CTNNA2: variants seen among roughly 807,000 people sequenced by gnomAD.
CTNNA2 encodes catenin alpha-2.
A neutral mutation model predicts 101.0 loss-of-function variants in CTNNA2; 42 were observed. That is an observed-to-expected ratio of 0.42 (90% CI 0.32 to 0.54). The LOEUF (loss-of-function observed/expected upper bound fraction) is 0.54. Ranked by LOEUF, CTNNA2 falls within the 20% of genes least tolerant of loss-of-function variation. The pLI, the probability that CTNNA2 is intolerant of heterozygous loss-of-function variation, is 0.14. For synonymous variants in CTNNA2, 450 were observed against 456.4 expected (o/e 0.99, Z 0.18); for missense variants, 871 against 1,223.1 (o/e 0.71, Z 4.29).
intron 9 of CTNNA2, among the ~76,000 whole-genome samples, chr2:80,490,113 A>T (rs776637656): frequency 2.0e-5 from 3 of 152,188 alleles, no homozygotes; most frequent in Non-Finnish European, 4.4e-5. Context: ...CAGACTCTTG[A>T]ACAGTAACCA....
intron 1 of CTNNA2, among the ~76,000 whole-genome samples, chr2:79,640,310 A>G (rs1680366524): frequency 1.3e-5 from 2 of 152,012 alleles, no homozygotes; most frequent in Non-Finnish European, 2.9e-5. Context: ...GAGAAGGAAG[A>G]CTTCCTAGGA....
chr2:79,874,993 A>G (rs1682899243), intron 6 of CTNNA2, among the ~76,000 whole-genome samples: 1 of 152,148 alleles, frequency 6.6e-6, no homozygotes, highest in Non-Finnish European at 1.5e-5. Flanking sequence ...AAAAGCTGCC[A>G]TCAATTTCTT....
At chr2:80,579,904 G>A (rs1490156226) in intron 13 of CTNNA2, among the ~76,000 whole-genome samples, 3 of 152,156 alleles carry the variant, frequency 2.0e-5, no homozygotes, top group Admixed American at 1.3e-4. Flanking sequence ...CTACATCATC[G>A]GTATTCCTTG....
chr2:79,676,039 A>G (rs1683163601), intron 2 of CTNNA2, among the ~76,000 whole-genome samples: 1 of 152,062 alleles, frequency 6.6e-6, no homozygotes, highest in South Asian at 2.1e-4. Flanking sequence ...ATCCTGAGAG[A>G]TGCCTGTTGA....
rs1288709071 is a variant in CTNNA2 at position 79,386,571 on chromosome 2, T to G, written c.-135+12558T>G. ...CTCTTAATTTGAAATAAAGAGTCCTTCATCTGTGTTTTCATAATACACTCT... is the reference window on the plus strand; with the variant it reads ...CTCTTAATTTGAAATAAAGAGTCCTGCATCTGTGTTTTCATAATACACTCT... On this transcript the variant is annotated intron_variant, in intron 4 of 21. Coordinates refer to the CTNNA2 transcript ENST00000466387. 2.0e-5 allele frequency among the ~76,000 whole-genome samples: 3 copies of G among 152,218 alleles called. No homozygotes were observed. The East Asian group carries it at 5.8e-4, about 29-fold the overall frequency.
chr2:80,321,903 A>G (rs1449414819), intron 7 of CTNNA2, among the ~76,000 whole-genome samples: 1 of 152,258 alleles, frequency 6.6e-6, no homozygotes. Context: ...AGGAAAAGCT[A>G]TAGCCCTTCT....
intron 2 of CTNNA2, among the ~76,000 whole-genome samples, chr2:79,288,852 A>G (rs80114760): frequency 0.049 from 7,534 of 152,308 alleles, 298 homozygotes; most frequent in Non-Finnish European, 0.064. Context: ...CTTTCAAACA[A>G]TGTGTGATCT....
At chr2:79,988,438 G>T (rs1691919680) in intron 7 of CTNNA2, among the ~76,000 whole-genome samples, 1 of 149,940 alleles carries the variant, frequency 6.7e-6, no homozygotes, top group Admixed American at 6.7e-5. Flanking sequence ...TGTTCTTTGT[G>T]TTGCTCTTCT....
chr2:79,999,313 G>A lies in CTNNA2; in HGVS notation c.1056+89516G>A, dbSNP rs78880752. Among the ~76,000 whole-genome samples, 778 of 152,284 alleles carry A rather than the reference G, an allele frequency of 5.1e-3. 7 individuals are homozygous for A. Among genetic ancestry groups the A allele is most frequent in the African/African-American group, 0.017 (727 of 41,574 alleles). On this transcript the variant is annotated intron_variant, in intron 7 of 18. Transcript: ENST00000402739. The stretch of plus-strand genomic sequence containing the variant: ...ACTGCCCATCTGACATCTGCAAGCC[G>A]CCTTCTTCATTCCATCTAGCCACCA...
intron 18 of CTNNA2, among the ~76,000 whole-genome samples, chr2:80,628,245 C>T (rs1671894421): frequency 6.6e-6 from 1 of 151,344 alleles, no homozygotes; most frequent in African/African-American, 2.4e-5. Context: ...ACTTTCTTCA[C>T]AGAATTGGAA....
At chr2:80,276,127 G>T (rs143952239) in intron 7 of CTNNA2, among the ~76,000 whole-genome samples, 1 of 152,038 alleles carries the variant, frequency 6.6e-6, no homozygotes, top group Non-Finnish European at 1.5e-5. Context: ...AGAGATAGTC[G>T]GATATTCAAT....
chr2:79,728,112 C>T (rs1357931577), intron 2 of CTNNA2, among the ~76,000 whole-genome samples: 1 of 152,148 alleles, frequency 6.6e-6, no homozygotes, highest in Non-Finnish European at 1.5e-5. Context: ...ATTGCTGGGT[C>T]AAATGGTATT....
chr2:79,870,712 C>T (rs775232048), intron 5 of CTNNA2, among the ~76,000 whole-genome samples: 5 of 152,208 alleles, frequency 3.3e-5, no homozygotes, highest in African/African-American at 4.8e-5. Flanking sequence ...GGGAAGTAGG[C>T]GCCTTCTTCA....
At chr2:79,832,653 C>T (rs1679012523) in intron 3 of CTNNA2, among the ~76,000 whole-genome samples, 1 of 152,120 alleles carries the variant, frequency 6.6e-6, no homozygotes. Context: ...AGTGTCAGCC[C>T]TTTGTCTTCA....
chr2:79,498,814 C>A (rs1671286768), intron 4 of CTNNA2: 1 of 152,162 alleles, frequency 6.6e-6, no homozygotes, highest in Admixed American at 6.5e-5. Flanking sequence ...AAAAACTTCA[C>A]CTTGGGGATA....
chr2:79,973,750 A>G (rs1420282003), intron 7 of CTNNA2, among the ~76,000 whole-genome samples: 2 of 152,178 alleles, frequency 1.3e-5, no homozygotes, highest in Non-Finnish European at 2.9e-5. Flanking sequence ...GAGGAGTGTT[A>G]CATAATTGTT....
intron 6 of CTNNA2, among the ~76,000 whole-genome samples, chr2:79,877,911 C>T (rs1464663297): frequency 6.6e-6 from 1 of 152,146 alleles, no homozygotes; most frequent in African/African-American, 2.4e-5. Flanking sequence ...TCTAGGTTTA[C>T]ATGTGCCATG....
intron 7 of CTNNA2, among the ~76,000 whole-genome samples, chr2:79,987,984 G>A (rs1322702680): frequency 6.6e-6 from 1 of 152,206 alleles, no homozygotes; most frequent in African/African-American, 2.4e-5. Context: ...TGTGGTTTAA[G>A]GGAAGTTGGG....
chr2:79,848,491 G>A (rs867479503), intron 3 of CTNNA2, among the ~76,000 whole-genome samples: 1 of 152,022 alleles, frequency 6.6e-6, no homozygotes, highest in African/African-American at 2.4e-5. Context: ...GCCATATTGC[G>A]GCTTCATAAT....
Sources: allele counts gnomAD v4.1 joint callset (sites outside exome capture counted in the v4.1 genomes callset), GRCh38; gene constraint gnomAD v4.1.1; transcripts MANE v1.5; gene names NCBI Gene and HGNC (gene_info 2026-07-23, HGNC 2026-07-21).